CELF5: variants seen among roughly 807,000 people sequenced by gnomAD.
The protein encoded by CELF5 is CUG-BP and ETR-3 like factor 5.
In CELF5, 6 loss-of-function variants were observed where a neutral mutation model predicts 54.9. The observed-to-expected ratio is 0.11, with a 90% confidence interval of 0.06 to 0.22. CELF5 has a LOEUF of 0.22. Ranked by LOEUF, CELF5 falls within the 10% of genes least tolerant of loss-of-function variation. CELF5 has a pLI of 1.00. For synonymous variants in CELF5, 271 were observed against 290.9 expected, an observed-to-expected ratio of 0.93 and a Z score of 0.70; for missense variants, 401 against 678.6, an observed-to-expected ratio of 0.59 and a Z score of 4.54.
Position 3,277,920 on chromosome 19 carries a change from C to T in CELF5, c.524-111C>T, listed in dbSNP as rs1364558703. ...TTCTGTTATCAGTTCTCTCTGGCTGCATGTGTCTGACACTGGCCATGTAGG... is the reference window on the plus strand; with the variant it reads ...TTCTGTTATCAGTTCTCTCTGGCTGTATGTGTCTGACACTGGCCATGTAGG... On this transcript the variant is annotated intron_variant, in intron 4 of 12. Coordinates refer to ENST00000292672, the MANE Select transcript of CELF5 (RefSeq NM_021938.4). 6 of 745,096 alleles carry T rather than the reference C, an allele frequency of 8.1e-6. No individual in the cohort carries two copies. The Admixed American group carries it at 1.3e-4, about 17-fold the overall frequency. 46.2% of individuals were successfully genotyped at this position (745,096 alleles called of 1,614,324 possible). A position where few individuals can be genotyped will look rare whatever the true frequency, so the allele number is the denominator to read the frequency against.
Position 3,282,957 on chromosome 19 carries a change from A to G in CELF5, c.1039+459A>G, listed in dbSNP as rs1031423534. ...GTGATTCTCCTGCCTCAGCCTCCCA[A>G]GTAGCTGGGATTACAGGCGCATGCC... On this transcript the variant is annotated intron_variant, in intron 8 of 12. Transcript: ENST00000292672. The surrounding 1 kb of genome is among the most constrained non-coding windows in gnomAD (Gnocchi z 5.2). 4.2e-4 allele frequency among the ~76,000 whole-genome samples: 64 copies of G among 152,322 alleles called. No homozygotes were observed. The highest frequency in any genetic ancestry group is 6.5e-4 in the African/African-American group (27 of 41,564).
In CELF5 at chr19:3,229,681, GAAGAGGC is replaced by G. The variant is rs1315952683; in HGVS notation, c.259+4684_259+4690del. Among the ~76,000 whole-genome samples the G allele has an allele frequency of 1.1e-4, 16 of 152,378 alleles. No homozygotes were observed. In the South Asian group the frequency reaches 3.1e-3, roughly 30 times the overall value. On this transcript the variant is annotated intron_variant, in intron 1 of 12. Coordinates refer to ENST00000292672, the MANE Select transcript of CELF5 (RefSeq NM_021938.4). The stretch of plus-strand genomic sequence containing the variant: ...GAAGTGGCAGGGAGAGCAGAGAACA[GAAGAGGC>G]TGTTGGCATGGGGCCGGGCACAGAG...
At chr19:3,280,419 A>AT (rs1020528595) in intron 5 of CELF5, among the ~76,000 whole-genome samples, 2 of 151,898 alleles carry the variant, frequency 1.3e-5, no homozygotes, top group African/African-American at 4.8e-5. Flanking sequence ...AAAAATAAAA[A>AT]AAAAAATTAG....
At chr19:3,226,999 G>A (rs1916960972) in intron 1 of CELF5, among the ~76,000 whole-genome samples, 2 of 152,204 alleles carry the variant, frequency 1.3e-5, no homozygotes, top group Middle Eastern at 6.8e-3. Context: ...TTTCCTTGGA[G>A]GGTGAGAATT....
At position 3,294,407 on chromosome 19, in the gene CELF5, A is replaced by AT. The variant is rs35143238; in HGVS notation, c.*40+935dup. On this transcript the variant is annotated intron_variant, in intron 12 of 12. Coordinates refer to ENST00000292672, the MANE Select transcript of CELF5 (RefSeq NM_021938.4). ...AAAGAGTTCTGGATGATTCGTTTTG[A>AT]TTTTTTTTTTTTTTAAATCACCATC... 56 of 147,894 alleles carry AT rather than the reference A, an allele frequency of 3.8e-4. No homozygotes were observed. The East Asian group carries it at 6.2e-3, about 16-fold the overall frequency. The allele number at this position is 147,894 out of a possible 1,614,324, so 9.2% of individuals were successfully genotyped here.
intron 2 of CELF5, among the ~76,000 whole-genome samples, chr19:3,258,408 C>G (rs2079761664): frequency 6.6e-6 from 1 of 151,992 alleles, no homozygotes; most frequent in African/African-American, 2.4e-5. Flanking sequence ...AGGCATGAGC[C>G]ACTGCGCCCG....
In CELF5 at chr19:3,282,304, G is replaced by A; in HGVS notation, c.892+37G>A. 6.2e-7 allele frequency: 1 copy of A among 1,609,112 alleles called. No homozygotes were observed. The highest frequency in any genetic ancestry group is 1.1e-5 in the South Asian group (1 of 91,064). ...CCAGGCACCCAAGGATGGGTGGGCA[G>A]GGCTGGAGCCAGAACTGGCCTCCCC... On this transcript the variant is annotated intron_variant, in intron 7 of 12. Coordinates refer to ENST00000292672, the MANE Select transcript of CELF5 (RefSeq NM_021938.4). The surrounding 1 kb of genome is among the most constrained non-coding windows in gnomAD (Gnocchi z 5.2).
chr19:3,262,775 CT>C (rs894446837), intron 2 of CELF5, among the ~76,000 whole-genome samples: 2 of 151,644 alleles, frequency 1.3e-5, no homozygotes, highest in African/African-American at 4.9e-5. Flanking sequence ...TCCATCTCTA[CT>C]AAAAATACAA....
intron 2 of CELF5, among the ~76,000 whole-genome samples, chr19:3,254,002 G>C (rs8100116): frequency 0.016 from 2,457 of 152,210 alleles, 65 homozygotes; most frequent in African/African-American, 0.057. Context: ...CCTTGGAACT[G>C]GTTCTTTTCC....
At chr19:3,262,069 C>T (rs533447182) in intron 2 of CELF5, among the ~76,000 whole-genome samples, 2 of 152,266 alleles carry the variant, frequency 1.3e-5, no homozygotes, top group East Asian at 1.9e-4. Context: ...GAGTCTTTCT[C>T]TGTACCCCAG....
At chr19:3,233,001 G>A (rs1356845734) in intron 1 of CELF5, among the ~76,000 whole-genome samples, 1 of 151,882 alleles carries the variant, frequency 6.6e-6, no homozygotes, top group Non-Finnish European at 1.5e-5. Flanking sequence ...TTGAACCCGG[G>A]AGGCAGAGGT....
At chr19:3,245,039 C>T (rs2079545958) in intron 1 of CELF5, among the ~76,000 whole-genome samples, 1 of 135,076 alleles carries the variant, frequency 7.4e-6, no homozygotes, top group South Asian at 2.4e-4. Context: ...GTGCATGCAT[C>T]TTGTCCACGT....
chr19:3,277,629 G>C (rs1260016366), intron 4 of CELF5, among the ~76,000 whole-genome samples: 4 of 151,896 alleles, frequency 2.6e-5, no homozygotes, highest in Non-Finnish European at 4.4e-5. Flanking sequence ...AATATGGCTG[G>C]CCCTTCCATA....
rs570634145 is a variant in CELF5 at position 3,228,025 on chromosome 19, G to C, written c.259+3027G>C. 6.6e-6 allele frequency among the ~76,000 whole-genome samples: 1 copy of C among 152,244 alleles called. No homozygotes were observed. Among genetic ancestry groups the C allele is most frequent in the South Asian group, 2.1e-4 (1 of 4,824 alleles). ...GAAAGGCAGGAGGCCTCATCCAGGA[G>C]CGGGGCAGGGGTAGGGGGAGAGGGA... On this transcript the variant is annotated intron_variant, in intron 1 of 12. Transcript: ENST00000292672. This position sits in a 1 kb window ranked among gnomAD's most constrained non-coding sequence, Gnocchi z 6.0.
chr19:3,267,282 G>A (rs2079896823), intron 2 of CELF5, among the ~76,000 whole-genome samples: 1 of 138,896 alleles, frequency 7.2e-6, no homozygotes, highest in Admixed American at 8.3e-5. Context: ...TGAAGAGAGG[G>A]CAACCCCCCC....
At chr19:3,289,538 C>T (rs1207739730) in intron 10 of CELF5, among the ~76,000 whole-genome samples, 4 of 151,588 alleles carry the variant, frequency 2.6e-5, no homozygotes, top group African/African-American at 4.8e-5. Flanking sequence ...AAAAATTATC[C>T]GGGCTTGGTG....
intron 2 of CELF5, among the ~76,000 whole-genome samples, chr19:3,272,916 C>T (rs1002064489): frequency 6.6e-6 from 1 of 152,304 alleles, no homozygotes; most frequent in Admixed American, 6.5e-5. Flanking sequence ...TCCAAAATAG[C>T]TCATACCTAG....
intron 1 of CELF5, among the ~76,000 whole-genome samples, chr19:3,227,248 G>A (rs1350546368): frequency 6.6e-6 from 1 of 152,174 alleles, no homozygotes; most frequent in East Asian, 1.9e-4. Flanking sequence ...CCAGGTTTGC[G>A]TTTGGGGCTC....
At chr19:3,225,737 C>A in intron 1 of CELF5, 1 of 226,716 alleles carries the variant, frequency 4.4e-6, no homozygotes, top group Non-Finnish European at 7.3e-6. Flanking sequence ...ACCACCTCCG[C>A]GTGGATCAGC....
Sources: allele counts gnomAD v4.1 joint callset (sites outside exome capture counted in the v4.1 genomes callset), GRCh38; gene constraint gnomAD v4.1.1; non-coding constraint Gnocchi (gnomAD v3.1); transcripts MANE v1.5; gene names NCBI Gene and HGNC (gene_info 2026-07-23, HGNC 2026-07-21).